UACA: variants seen among roughly 807,000 people sequenced by gnomAD.
UACA encodes the protein uveal autoantigen with coiled-coil domains and ankyrin repeats.
UACA carries 112 observed loss-of-function variants against 160.5 expected under a neutral mutation model. The ratio of observed to expected loss-of-function variants is 0.70; its 90% CI spans 0.60 to 0.82. The LOEUF is 0.82. Ranked by LOEUF, UACA falls within the 40% of genes least tolerant of loss-of-function variation. The pLI, the probability that UACA is intolerant of heterozygous loss-of-function variation, is 0.00. For missense variants in UACA, 1,574 were observed against 1,614.6 expected (o/e 0.97, Z 0.43); for synonymous variants, 557 against 568.4 (o/e 0.98, Z 0.29).
chr15:70,778,142 A>G, the UACA span, among the ~76,000 whole-genome samples: 1 of 152,070 alleles, frequency 6.6e-6, no homozygotes, highest in Non-Finnish European at 1.5e-5. Context: ...TCAAGGCTGC[A>G]GTGAGCTGTG....
chr15:70,700,710 G>A (rs1898327348), intron 1 of UACA, among the ~76,000 whole-genome samples: 1 of 152,052 alleles, frequency 6.6e-6, no homozygotes, highest in Middle Eastern at 3.4e-3. Context: ...AATGTCAGAA[G>A]ATAGAACTAA....
At chr15:70,687,918 T>G in intron 5 of UACA, 98 bp from the exon 6 acceptor site, 1 of 1,167,872 alleles carries the variant, frequency 8.6e-7, no homozygotes, top group Non-Finnish European at 1.2e-6. Context: ...TTTCAATTTC[T>G]AAATTACCAA....
intron 1 of UACA, among the ~76,000 whole-genome samples, chr15:70,738,507 A>G (rs1406948475): frequency 6.6e-6 from 1 of 152,116 alleles, no homozygotes; most frequent in Non-Finnish European, 1.5e-5. Flanking sequence ...ATTGGCATTC[A>G]AACACAATCC....
At chr15:70,663,577 T>C (rs1425788762) in intron 17 of UACA, among the ~76,000 whole-genome samples, 2 of 152,112 alleles carry the variant, frequency 1.3e-5, no homozygotes, top group Non-Finnish European at 2.9e-5. Flanking sequence ...CACATATGTT[T>C]ATTGCGGCAC....
intron 7 of UACA, among the ~76,000 whole-genome samples, chr15:70,685,565 A>T (rs1367996014): frequency 6.6e-6 from 1 of 152,190 alleles, no homozygotes; most frequent in East Asian, 1.9e-4. Flanking sequence ...GAAAAAAAGA[A>T]ATGAATATAG....
intron 1 of UACA, among the ~76,000 whole-genome samples, chr15:70,756,962 C>A (rs1313109780): frequency 6.6e-6 from 1 of 152,104 alleles, no homozygotes; most frequent in East Asian, 1.9e-4. Context: ...AATTCGATAT[C>A]ATCAAGTATC....
intron 1 of UACA, among the ~76,000 whole-genome samples, chr15:70,754,331 C>A (rs1050024774): frequency 2.0e-5 from 3 of 152,134 alleles, no homozygotes; most frequent in Non-Finnish European, 4.4e-5. Flanking sequence ...AGTACCCGTA[C>A]AACTATTCTG....
In UACA at chr15:70,671,082, T is replaced by A; in HGVS notation, c.1178A>T (p.Asp393Val). 1 of 1,594,372 alleles carries A rather than the reference T, an allele frequency of 6.3e-7. No homozygotes were observed. The highest frequency in any genetic ancestry group is 8.6e-7 in the Non-Finnish European group (1 of 1,167,854). The change falls in exon 15 of 19, where the codon GAT (aspartate) becomes GTT (valine). Residue 393 changes from aspartate to valine, a missense_variant. Physicochemically the swap from Asp to Val is radical, Grantham distance 152. Transcript: ENST00000322954. ...SGSHFSNRKE[D>V]MLLKQGQMYM... ...CATCTGACCTTGTTTAAGAAGCATA[T>A]CTTCTTTTCCTAAATAAATGCAAAT...
chr15:70,687,587 C>A lies in UACA; in HGVS notation c.555G>T (p.Leu185=). The change falls in exon 7 of 19, where the codon CTG becomes CTT. Residue 185 remains leucine, a synonymous_variant. Transcript: ENST00000322954. The part of the protein sequence containing the change: ...TQMSRPTICQ[L]LIDRGADVNS... ...TAACATCCGCTCCTCTATCTATCAG[C>A]AGTTGACATATTGTTGGCCTACTCA... The A allele has an allele frequency of 6.2e-7, 1 of 1,613,978 alleles. No individual in the cohort carries two copies. Among genetic ancestry groups the A allele is most frequent in the Non-Finnish European group, 8.5e-7 (1 of 1,179,862 alleles).
chr15:70,721,039 T>C (rs1041286736), intron 1 of UACA, among the ~76,000 whole-genome samples: 1 of 152,196 alleles, frequency 6.6e-6, no homozygotes. Context: ...TGTGCCATAA[T>C]GCTGACAAAC....
chr15:70,663,275 C>T (rs1281308379), intron 17 of UACA, among the ~76,000 whole-genome samples: 10 of 152,248 alleles, frequency 6.6e-5, no homozygotes, highest in African/African-American at 2.4e-4. Flanking sequence ...TCATCACTGG[C>T]CGTCAGAGAA....
intron 1 of UACA, among the ~76,000 whole-genome samples, chr15:70,708,296 A>C (rs985142468): frequency 6.6e-6 from 1 of 152,128 alleles, no homozygotes; most frequent in Non-Finnish European, 1.5e-5. Flanking sequence ...GCTATTGTTT[A>C]ATGGGTATAG....
In UACA at chr15:70,668,816, A is replaced by C; in HGVS notation, c.1868T>G (p.Leu623Trp). Residue 623 changes from leucine (L) to tryptophan (W), a missense_variant, in exon 16 of 19, where the codon TTG (leucine) becomes TGG (tryptophan). Leu to Trp is a moderately conservative substitution (Grantham distance 61). Transcript: ENST00000322954. ...TTTTTCAGCTGGAATGGAAAGGGCC[A>C]ACTTCGCTGACAATTCTTTTGCCTG... is the stretch of plus-strand genomic sequence containing the variant. ...EGQAKELSAK[L>W]ALSIPAEKFE... 6.2e-7 allele frequency: 1 copy of C among 1,613,916 alleles called. No homozygotes were observed. The highest frequency in any genetic ancestry group is 2.2e-5 in the East Asian group (1 of 44,880).
chr15:70,663,321 A>C (rs1189171941), intron 17 of UACA, among the ~76,000 whole-genome samples: 1 of 152,218 alleles, frequency 6.6e-6, no homozygotes. Context: ...ACCATCTCAC[A>C]CCAGTTAGAA....
intron 1 of UACA, among the ~76,000 whole-genome samples, 166 bp downstream of exon 1, chr15:70,763,164 G>T (rs1166201457): frequency 4.6e-5 from 7 of 152,182 alleles, no homozygotes; most frequent in East Asian, 1.9e-4. Flanking sequence ...GATCCCCGGG[G>T]TCTCTGGGCT....
chr15:70,713,718 T>A (rs151158851), intron 1 of UACA, among the ~76,000 whole-genome samples: 5 of 152,334 alleles, frequency 3.3e-5, no homozygotes, highest in African/African-American at 1.2e-4. Flanking sequence ...CCTGACATAC[T>A]ATTTTTTTTC....
At chr15:70,771,168 C>T in the UACA span, among the ~76,000 whole-genome samples, 1 of 152,196 alleles carries the variant, frequency 6.6e-6, no homozygotes, top group Non-Finnish European at 1.5e-5. Flanking sequence ...CAACTTGTGA[C>T]AAATTTCATT....
chr15:70,678,615 G>A (rs999834155), intron 10 of UACA, among the ~76,000 whole-genome samples: 10 of 152,112 alleles, frequency 6.6e-5, no homozygotes, highest in African/African-American at 2.4e-4. Flanking sequence ...ATAAAGGCTC[G>A]AATTTAAGGA....
intron 1 of UACA, among the ~76,000 whole-genome samples, chr15:70,755,139 A>G (rs1195179911): frequency 6.6e-6 from 1 of 152,216 alleles, no homozygotes; most frequent in Non-Finnish European, 1.5e-5. Context: ...GTTCAAATCT[A>G]TTATTCTTGG....
Sources: allele counts gnomAD v4.1 joint callset (sites outside exome capture counted in the v4.1 genomes callset), GRCh38; gene constraint gnomAD v4.1.1; transcripts MANE v1.5; gene names NCBI Gene and HGNC (gene_info 2026-07-23, HGNC 2026-07-21).